The following NCAM2 variants were observed in gnomAD, a reference collection of about 807,000 sequenced individuals.
NCAM2 encodes N-CAM-2.
In NCAM2, 30 loss-of-function variants were observed where a neutral mutation model predicts 98.1. The ratio of observed to expected loss-of-function variants is 0.31; its 90% CI spans 0.23 to 0.41. The LOEUF is 0.41. Ranked by LOEUF, NCAM2 falls within the 10% of genes least tolerant of loss-of-function variation. The pLI is 1.00. For synonymous variants in NCAM2, 368 were observed against 342.4 expected (o/e 1.07, Z -0.83); for missense variants, 867 against 1,005.8 (o/e 0.86, Z 1.87).
intron 1 of NCAM2, among the ~76,000 whole-genome samples, chr21:21,090,371 G>T (rs573798756): frequency 6.6e-6 from 1 of 152,024 alleles, no homozygotes; most frequent in African/African-American, 2.4e-5. Context: ...AATAGGCCTA[G>T]GGGCCCATTA....
At chr21:21,248,073 CAAT>C (rs1334950383) in intron 1 of NCAM2, among the ~76,000 whole-genome samples, 2 of 151,964 alleles carry the variant, frequency 1.3e-5, no homozygotes, top group Admixed American at 1.3e-4. Context: ...ATTAAATAGA[CAAT>C]AATATTATAT....
intron 1 of NCAM2, among the ~76,000 whole-genome samples, chr21:21,190,231 A>G (rs541776866): frequency 2.0e-5 from 3 of 152,326 alleles, no homozygotes; most frequent in African/African-American, 7.2e-5. Context: ...AATATCTGTA[A>G]GTGTTAGTGC....
At chr21:21,248,493 C>T (rs981818941) in intron 1 of NCAM2, among the ~76,000 whole-genome samples, 1 of 151,872 alleles carries the variant, frequency 6.6e-6, no homozygotes, top group Non-Finnish European at 1.5e-5. Context: ...TGAAAAAAGT[C>T]CATTAAGATT....
intron 1 of NCAM2, among the ~76,000 whole-genome samples, chr21:21,106,722 T>TA (rs945487889): frequency 9.3e-5 from 14 of 150,802 alleles, no homozygotes; most frequent in African/African-American, 1.7e-4. Flanking sequence ...TGATCATTAA[T>TA]AAAAAAAAAT....
chr21:21,183,610 A>G (rs548484200), intron 1 of NCAM2, among the ~76,000 whole-genome samples: 2 of 152,292 alleles, frequency 1.3e-5, no homozygotes, highest in East Asian at 1.9e-4. Context: ...CTAAACAGGT[A>G]CTGTTAAACT....
chr21:21,471,549 T>C (rs930661565), intron 14 of NCAM2, among the ~76,000 whole-genome samples: 3 of 152,078 alleles, frequency 2.0e-5, no homozygotes, highest in Non-Finnish European at 2.9e-5. Context: ...TAGAGGAATC[T>C]GGAAAATAAG....
chr21:21,387,661 G>A lies in NCAM2; in HGVS notation c.1195+13648G>A, dbSNP rs565998532. Among the ~76,000 whole-genome samples, 60 of 152,236 alleles carry A rather than the reference G, an allele frequency of 3.9e-4. No individual in the cohort carries two copies. In the South Asian group the frequency reaches 0.012, roughly 32 times the overall value. ...ATTTCCCATTTTGTAAAGTGAAAGA[G>A]ACATATCTATGAATTAAGGCATACT... On this transcript the variant is annotated intron_variant, in intron 9 of 17. Transcript: ENST00000400546.
chr21:21,170,088 A>G (rs2068073409), intron 1 of NCAM2, among the ~76,000 whole-genome samples: 1 of 152,250 alleles, frequency 6.6e-6, no homozygotes, highest in Non-Finnish European at 1.5e-5. Context: ...CCAAAATCCA[A>G]AACACTTGAC....
At position 21,509,007 on chromosome 21, in the gene NCAM2, G is replaced by T; in HGVS notation, c.2234G>T (p.Gly745Val). The T allele has an allele frequency of 6.2e-7, 1 of 1,613,268 alleles. No individual in the cohort carries two copies. The highest frequency in any genetic ancestry group is 8.5e-7 in the Non-Finnish European group (1 of 1,179,730). ...ITRRMCGKKSGSSGKSKELEE... is the reference protein window; with the variant it reads ...ITRRMCGKKSVSSGKSKELEE... ...AGGAGAATGTGTGGAAAGAAAAGTGGCTCCAGTGGCAAAAGTAAAGAACTC... is the reference window on the plus strand; with the variant it reads ...AGGAGAATGTGTGGAAAGAAAAGTGTCTCCAGTGGCAAAAGTAAAGAACTC... Residue 745 changes from glycine to valine, a missense_variant, in exon 16 of 18, where the codon GGC (glycine) becomes GTC (valine). By Grantham distance (109) the Gly-to-Val change is moderately radical. Around this residue, in one of 5 missense-constraint regions of NCAM2, gnomAD observed 125 missense variants for 116.1 expected, o/e 1.08. Coordinates refer to ENST00000400546, the MANE Select transcript of NCAM2 (RefSeq NM_004540.5).
At chr21:21,416,547 G>A (rs1408630532) in intron 10 of NCAM2, among the ~76,000 whole-genome samples, 1 of 151,504 alleles carries the variant, frequency 6.6e-6, no homozygotes, top group Non-Finnish European at 1.5e-5. Context: ...GCATGGCAAA[G>A]TAAGACACAA....
chr21:21,455,996 G>C lies in NCAM2; in HGVS notation c.1655-10610G>C, dbSNP rs1268096906. Among the ~76,000 whole-genome samples, 4 of 151,948 alleles carry C rather than the reference G, an allele frequency of 2.6e-5. No individual in the cohort carries two copies. In the East Asian group the frequency reaches 7.7e-4, roughly 29 times the overall value. The stretch of plus-strand genomic sequence containing the variant: ...TTAAAAATTCTTTCAAAATAAGAGA[G>C]AAAACTTTAAAAAAAGAAACAAAAA... On this transcript the variant is annotated intron_variant, in intron 12 of 17. Transcript: ENST00000400546.
At chr21:21,066,740 A>T (rs1229251836) in intron 1 of NCAM2, among the ~76,000 whole-genome samples, 1 of 152,136 alleles carries the variant, frequency 6.6e-6, no homozygotes, top group African/African-American at 2.4e-5. Context: ...TTGAAATATT[A>T]TAAATATATA....
At chr21:21,233,821 A>G (rs556440853) in intron 1 of NCAM2, among the ~76,000 whole-genome samples, 1 of 151,902 alleles carries the variant, frequency 6.6e-6, no homozygotes, top group African/African-American at 2.4e-5. Flanking sequence ...TAAGAATATC[A>G]ATAAAAATTA....
At chr21:21,298,168 A>G (rs1416327652) in intron 5 of NCAM2, among the ~76,000 whole-genome samples, 2 of 151,756 alleles carry the variant, frequency 1.3e-5, no homozygotes, top group Admixed American at 6.6e-5. Context: ...TTCTATTTAT[A>G]AAAAATGAAA....
chr21:21,386,617 G>A (rs2076276666), intron 9 of NCAM2, among the ~76,000 whole-genome samples: 1 of 152,166 alleles, frequency 6.6e-6, no homozygotes. Context: ...AACTTTATGT[G>A]AGCCCCCTGG....
At chr21:21,100,878 C>T (rs2066227734) in intron 1 of NCAM2, among the ~76,000 whole-genome samples, 1 of 152,030 alleles carries the variant, frequency 6.6e-6, no homozygotes, top group Non-Finnish European at 1.5e-5. Flanking sequence ...TTTCATCTCT[C>T]TGAATGTTAC....
At chr21:21,265,307 A>G (rs1190674637) in intron 1 of NCAM2, among the ~76,000 whole-genome samples, 1 of 131,568 alleles carries the variant, frequency 7.6e-6, no homozygotes, top group African/African-American at 2.7e-5. Flanking sequence ...ACGTGTATAC[A>G]TACACGTATA....
At chr21:21,324,192 A>G (rs2074449988) in intron 5 of NCAM2, among the ~76,000 whole-genome samples, 191 bp from the exon 6 acceptor site, 2 of 152,194 alleles carry the variant, frequency 1.3e-5, no homozygotes, top group Non-Finnish European at 2.9e-5. Flanking sequence ...TTAAAGTATA[A>G]TAAAAATAAA....
intron 1 of NCAM2, among the ~76,000 whole-genome samples, chr21:21,043,553 T>C (rs902089018): frequency 1.3e-5 from 2 of 152,080 alleles, no homozygotes; most frequent in Non-Finnish European, 2.9e-5. Context: ...TTATATACAA[T>C]GTTAGTAATT....
Sources: allele counts gnomAD v4.1 joint callset (sites outside exome capture counted in the v4.1 genomes callset), GRCh38; gene constraint gnomAD v4.1.1; regional missense constraint gnomAD v4.1.1; transcripts MANE v1.5; gene names NCBI Gene and HGNC (gene_info 2026-07-23, HGNC 2026-07-21).